Variants in NIBAN2 observed in about 807,000 individuals in gnomAD.
NIBAN2 encodes niban apoptosis regulator 2.
In NIBAN2, 36 loss-of-function variants were observed where a neutral mutation model predicts 81.8. The observed-to-expected ratio is 0.44, with a 90% CI of 0.34 to 0.58. NIBAN2 has a LOEUF of 0.58. Ranked by LOEUF, NIBAN2 falls within the 20% of genes least tolerant of loss-of-function variation. The pLI is 0.02. For synonymous variants in NIBAN2, 445 were observed against 441.6 expected, an observed-to-expected ratio of 1.01 and a Z score of -0.10; for missense variants, 897 against 1,014.1, an observed-to-expected ratio of 0.88 and a Z score of 1.57.
In NIBAN2 at chr9:127,507,239, C is replaced by A. The variant is rs1296840465; in HGVS notation, c.1847G>T (p.Arg616Leu). 6.2e-7 allele frequency: 1 copy of A among 1,610,690 alleles called. No individual in the cohort carries two copies. The highest frequency in any genetic ancestry group is 8.5e-7 in the Non-Finnish European group (1 of 1,178,106). ...AGAGACCACCTGCTTGGCGCGCCGT[C>A]GCTTTTCCGAGAGGGTGGCTGACTC... ...TPESATLSEKRRRAKQVVSVV... is the reference protein window; with the variant it reads ...TPESATLSEKLRRAKQVVSVV... The change falls in exon 14 of 14, where the codon CGA (arginine) becomes CTA (leucine). Residue 616 changes from arginine (R) to leucine (L), a missense_variant. By Grantham distance (102) the Arg-to-Leu change is moderately radical. Around this residue, in one of 3 missense-constraint regions of NIBAN2, gnomAD observed 619 missense variants for 691.0 expected, o/e 0.90. Transcript: ENST00000373312. The surrounding 1 kb of genome is among the most constrained non-coding windows in gnomAD (Gnocchi z 6.8).
intron 2 of NIBAN2, among the ~76,000 whole-genome samples, chr9:127,527,524 G>A (rs1378555209): frequency 6.6e-6 from 1 of 152,238 alleles, no homozygotes; most frequent in Non-Finnish European, 1.5e-5. Flanking sequence ...GAGACTCGGA[G>A]CCGTGGAGGG....
At chr9:127,513,923 C>T (rs947895868) in intron 8 of NIBAN2, among the ~76,000 whole-genome samples, 10 of 152,096 alleles carry the variant, frequency 6.6e-5, no homozygotes, top group South Asian at 2.1e-4. Context: ...TATTTGATAG[C>T]GCAACAGGGT....
At chr9:127,535,990 G>C (rs978074069) in intron 1 of NIBAN2, among the ~76,000 whole-genome samples, 1 of 152,120 alleles carries the variant, frequency 6.6e-6, no homozygotes, top group Non-Finnish European at 1.5e-5. Flanking sequence ...CCTTAAGGAC[G>C]GAGCCCAGGC....
intron 4 of NIBAN2, among the ~76,000 whole-genome samples, 178 bp from the exon 5 acceptor site, chr9:127,524,024 G>A (rs973387104): frequency 1.3e-5 from 2 of 152,188 alleles, no homozygotes; most frequent in African/African-American, 4.8e-5. Flanking sequence ...TTCTGGCTGT[G>A]TTCTCCTCAG....
intron 1 of NIBAN2, among the ~76,000 whole-genome samples, chr9:127,548,991 A>T (rs554500191): frequency 6.6e-6 from 1 of 152,114 alleles, no homozygotes; most frequent in Non-Finnish European, 1.5e-5. Context: ...GAGGTGTGTA[A>T]GCAGAGGCTG....
At position 127,554,632 on chromosome 9, in the gene NIBAN2, C is replaced by T. The variant is rs139435633; in HGVS notation, c.55+14188G>A. Among the ~76,000 whole-genome samples, 1,134 of 139,230 alleles carry T rather than the reference C, an allele frequency of 8.1e-3. 13 individuals carry two copies. The highest frequency in any genetic ancestry group is 0.029 in the African/African-American group (1,070 of 37,120). The allele number at this position is 139,230 out of a possible 152,430, so 91.3% of individuals were successfully genotyped here. A position where few individuals can be genotyped will look rare whatever the true frequency, so the allele number is the denominator to read the frequency against. Reference sequence around the variant, plus strand: ...CTGGAGTGCTATGGCACGATCTTGGCTCACTGCAATCTCAGCCTCCCAAGT... The same window carrying T: ...CTGGAGTGCTATGGCACGATCTTGGTTCACTGCAATCTCAGCCTCCCAAGT... On this transcript the variant is annotated intron_variant, in intron 1 of 13. Coordinates refer to ENST00000373312, the MANE Select transcript of NIBAN2 (RefSeq NM_022833.4).
At chr9:127,520,855 G>A (rs539939280) in intron 5 of NIBAN2, among the ~76,000 whole-genome samples, 374 of 152,240 alleles carry the variant, frequency 2.5e-3, no homozygotes, top group Non-Finnish European at 4.1e-3. Context: ...CTGCACTCCA[G>A]CCTGGGTGAC....
At chr9:127,514,926 G>A (rs1454622173) in intron 8 of NIBAN2, among the ~76,000 whole-genome samples, 1 of 152,188 alleles carries the variant, frequency 6.6e-6, no homozygotes, top group African/African-American at 2.4e-5. Flanking sequence ...TGCTTTGGGA[G>A]GCTGAGGCAG....
chr9:127,514,040 A>C (rs1376874337), intron 8 of NIBAN2, among the ~76,000 whole-genome samples: 1 of 152,190 alleles, frequency 6.6e-6, no homozygotes, highest in Non-Finnish European at 1.5e-5. Flanking sequence ...AGGCCGAGGC[A>C]GGAAGATCAC....
At chr9:127,542,888 A>G (rs1837407007) in intron 1 of NIBAN2, among the ~76,000 whole-genome samples, 1 of 152,058 alleles carries the variant, frequency 6.6e-6, no homozygotes, top group African/African-American at 2.4e-5. Context: ...ACACCTGGCT[A>G]ATTTTTTGTA....
chr9:127,558,205 C>T (rs527888320), intron 1 of NIBAN2, among the ~76,000 whole-genome samples: 1 of 152,364 alleles, frequency 6.6e-6, no homozygotes, highest in South Asian at 2.1e-4. Flanking sequence ...GAGGCCCGCA[C>T]AGGGCTTGCT....
At chr9:127,527,159 G>T in intron 3 of NIBAN2, 35 bp downstream of exon 3, 1 of 1,607,822 alleles carries the variant, frequency 6.2e-7, no homozygotes, top group South Asian at 1.1e-5. Flanking sequence ...GAGAAAGCGG[G>T]GAGGCTCAGT....
At chr9:127,542,274 C>A (rs929213448) in intron 1 of NIBAN2, among the ~76,000 whole-genome samples, 12 of 152,238 alleles carry the variant, frequency 7.9e-5, no homozygotes, top group African/African-American at 2.9e-4. Flanking sequence ...AGCCCACCAC[C>A]ATGCGTCTTT....
At chr9:127,557,001 C>T (rs550708939) in intron 1 of NIBAN2, among the ~76,000 whole-genome samples, 3 of 152,266 alleles carry the variant, frequency 2.0e-5, no homozygotes, top group East Asian at 3.9e-4. Context: ...TGCCGGAGCC[C>T]GGGAGGTTGA....
Position 127,507,110 on chromosome 9 carries a change from T to C in NIBAN2, c.1976A>G (p.Gln659Arg). Residue 659 changes from glutamine (Q) to arginine (R), a missense_variant, in exon 14 of 14, where the codon CAA (glutamine) becomes CGA (arginine). Physicochemically the swap from Gln to Arg is conservative, Grantham distance 43. Around this residue, in one of 3 missense-constraint regions of NIBAN2, gnomAD observed 619 missense variants for 691.0 expected, o/e 0.90. Coordinates refer to ENST00000373312, the MANE Select transcript of NIBAN2 (RefSeq NM_022833.4). This position sits in a 1 kb window ranked among gnomAD's most constrained non-coding sequence, Gnocchi z 6.8. ...TGGGGGGCTCTCAGGCCGCAGACCT[T>C]GGGCCAGCAGGCCTCGGATCTCAGT... Reference protein sequence around the residue: ...GVTEIRGLLAQGLRPESPPPA... With the variant: ...GVTEIRGLLARGLRPESPPPA... 1 of 1,586,928 alleles carries C rather than the reference T, an allele frequency of 6.3e-7. No homozygotes were observed. Among genetic ancestry groups the C allele is most frequent in the African/African-American group, 1.3e-5 (1 of 74,530 alleles).
intron 1 of NIBAN2, among the ~76,000 whole-genome samples, chr9:127,552,283 A>G (rs1025429071): frequency 2.0e-5 from 3 of 152,202 alleles, no homozygotes; most frequent in Non-Finnish European, 4.4e-5. Context: ...TACAACAACA[A>G]AAAATAGAGC....
At position 127,566,807 on chromosome 9, in the gene NIBAN2, C is replaced by T. The variant is rs978955258; in HGVS notation, c.55+2013G>A. Among the ~76,000 whole-genome samples the T allele has an allele frequency of 1.8e-4, 27 of 152,142 alleles. No homozygotes were observed. In the East Asian group the frequency reaches 4.3e-3, roughly 24 times the overall value. On this transcript the variant is annotated intron_variant, in intron 1 of 13. Transcript: ENST00000373312. ...TGGATCACTGGAGGAGGCAAATACACGCCCTCATTCCCTTCCAGCAGAGAT... is the reference window on the plus strand; with the variant it reads ...TGGATCACTGGAGGAGGCAAATACATGCCCTCATTCCCTTCCAGCAGAGAT...
Position 127,517,355 on chromosome 9 carries a change from CCT to C in NIBAN2, c.706-141_706-140del. 5.8e-6 allele frequency: 4 copies of C among 689,152 alleles called. No individual in the cohort carries two copies. The highest frequency in any genetic ancestry group is 7.4e-6 in the Non-Finnish European group (3 of 403,296). 42.7% of individuals were successfully genotyped at this position (689,152 alleles called of 1,614,324 possible). A position where few individuals can be genotyped will look rare whatever the true frequency, so the allele number is the denominator to read the frequency against. On this transcript the variant is annotated intron_variant, in intron 6 of 13. Coordinates refer to ENST00000373312, the MANE Select transcript of NIBAN2 (RefSeq NM_022833.4). The surrounding 1 kb of genome is among the most constrained non-coding windows in gnomAD (Gnocchi z 4.0). ...CCCATTGCTTCACCCTCCCTGCTGC[CCT>C]CTCTCCTGAGCTCCATTCCCACAGG...
chr9:127,544,216 G>A (rs578233040), intron 1 of NIBAN2, among the ~76,000 whole-genome samples: 2 of 152,306 alleles, frequency 1.3e-5, no homozygotes, highest in East Asian at 1.9e-4. Context: ...CTAACATGGC[G>A]CTGGCCTTGG....
Sources: gnomAD v4.1 joint callset for allele counts (sites outside exome capture counted in the v4.1 genomes callset) on GRCh38, gnomAD v4.1.1 for gene constraint, gnomAD v4.1.1 regional missense constraint, Gnocchi (gnomAD v3.1) non-coding constraint, MANE v1.5 for transcripts, NCBI Gene and HGNC (gene_info 2026-07-23, HGNC 2026-07-21) for gene names.